The following CNIH3 variants were observed in gnomAD, a reference collection of about 807,000 sequenced individuals.
CNIH3 encodes the protein protein cornichon homolog 3.
Under a neutral mutation model 24.1 loss-of-function variants are expected in CNIH3, and 14 were observed. That is an observed-to-expected ratio of 0.58 (90% CI 0.38 to 0.91). The LOEUF (loss-of-function observed/expected upper bound fraction) is 0.91. Among genes scored for constraint, CNIH3 ranks in the 40% least tolerant of loss-of-function variants. The pLI is 0.00. For missense variants in CNIH3, 178 were observed against 196.8 expected, an observed-to-expected ratio of 0.90 and a Z score of 0.57; for synonymous variants, 68 against 73.8, an observed-to-expected ratio of 0.92 and a Z score of 0.40.
chr1:224,681,190 G>C (rs1686383597), intron 2 of CNIH3, among the ~76,000 whole-genome samples, 164 bp downstream of exon 2: 1 of 152,198 alleles, frequency 6.6e-6, no homozygotes, highest in Non-Finnish European at 1.5e-5. Flanking sequence ...TCTCATTCTT[G>C]AAGTGTGCTG....
At chr1:224,622,988 G>A (rs1558223397) in intron 1 of CNIH3, among the ~76,000 whole-genome samples, 1 of 152,130 alleles carries the variant, frequency 6.6e-6, no homozygotes, top group Non-Finnish European at 1.5e-5. Flanking sequence ...TCACTCCTAT[G>A]GGCCCCTCCA....
intron 1 of CNIH3, among the ~76,000 whole-genome samples, chr1:224,509,905 C>T (rs898853452): frequency 6.6e-6 from 1 of 152,222 alleles, no homozygotes; most frequent in African/African-American, 2.4e-5. Context: ...CAGCTGTCCA[C>T]CTAGAAAAAG....
At chr1:224,479,537 C>T (rs531223317) in intron 1 of CNIH3, among the ~76,000 whole-genome samples, 3 of 152,222 alleles carry the variant, frequency 2.0e-5, no homozygotes, top group Non-Finnish European at 4.4e-5. Context: ...AAGTCCCTTC[C>T]ACCTATGAGC....
intron 4 of CNIH3, among the ~76,000 whole-genome samples, chr1:224,734,347 C>T (rs954046377): frequency 6.6e-6 from 1 of 152,144 alleles, no homozygotes; most frequent in Non-Finnish European, 1.5e-5. Context: ...GTGAAATTGC[C>T]ATGATGCCAG....
At chr1:224,659,048 G>A (rs12073052) in intron 1 of CNIH3, among the ~76,000 whole-genome samples, 35,095 of 152,112 alleles carry the variant, frequency 0.23, 4,458 homozygotes, top group East Asian at 0.36. Flanking sequence ...TTTTTAGAAA[G>A]ACTGAACTAA....
intron 1 of CNIH3, among the ~76,000 whole-genome samples, chr1:224,621,603 T>A (rs1327916990): frequency 2.0e-5 from 3 of 152,060 alleles, no homozygotes; most frequent in African/African-American, 7.3e-5. Context: ...CCCTTTTATC[T>A]CCTCCCTCCG....
At chr1:224,469,023 C>T (rs936180498) in intron 1 of CNIH3, among the ~76,000 whole-genome samples, 1 of 151,234 alleles carries the variant, frequency 6.6e-6, no homozygotes, top group East Asian at 1.9e-4. Flanking sequence ...TGAATGGGAA[C>T]TGGATTTTGT....
chr1:224,684,715 G>C lies in CNIH3; in HGVS notation c.151-81G>C. 1 of 1,277,478 alleles carries C rather than the reference G, an allele frequency of 7.8e-7. No homozygotes were observed. The highest frequency in any genetic ancestry group is 1.2e-5 in the South Asian group (1 of 84,148). 79.1% of individuals were successfully genotyped at this position (1,277,478 alleles called of 1,614,324 possible). Reference sequence around the variant, plus strand: ...TGGTGGCTTCTGCCTCCACTATTGGGGCTGATTGCGGGGCCTTCTCATGCT... The same window carrying C: ...TGGTGGCTTCTGCCTCCACTATTGGCGCTGATTGCGGGGCCTTCTCATGCT... On this transcript the variant is annotated intron_variant, in intron 2 of 5. Transcript: ENST00000272133. This position sits in a 1 kb window ranked among gnomAD's most constrained non-coding sequence, Gnocchi z 4.2.
chr1:224,537,355 A>T (rs1040646004), downstream of CNIH3: 1 of 152,228 alleles, frequency 6.6e-6, no homozygotes, highest in Non-Finnish European at 1.5e-5. Flanking sequence ...CTGCAGATGC[A>T]CTGAGGCTAA....
chr1:224,621,605 C>T (rs1294455034), intron 1 of CNIH3, among the ~76,000 whole-genome samples: 1 of 152,154 alleles, frequency 6.6e-6, no homozygotes, highest in East Asian at 1.9e-4. Context: ...CTTTTATCTC[C>T]TCCCTCCGTC....
Position 224,484,361 on chromosome 1 carries a change from C to T in CNIH3, n.204-31380C>T, listed in dbSNP as rs185500663. Among the ~76,000 whole-genome samples, 516 of 149,228 alleles carry T rather than the reference C, an allele frequency of 3.5e-3. 3 individuals are homozygous for T. Among genetic ancestry groups the T allele is most frequent in the African/African-American group, 0.012 (495 of 40,392 alleles). On this transcript the variant is annotated intron_variant and non_coding_transcript_variant, in intron 1 of 5. Transcript: ENST00000471578. The stretch of plus-strand genomic sequence containing the variant: ...AGGAGAATGGCACGAACCTGGGAGG[C>T]GGAGCTTGCAGTGAGCCGAGATCAC...
intron 1 of CNIH3, among the ~76,000 whole-genome samples, chr1:224,461,623 A>T (rs1675916340): frequency 6.6e-6 from 1 of 152,254 alleles, no homozygotes; most frequent in Non-Finnish European, 1.5e-5. Context: ...TGATTTAAAC[A>T]GTTTTAAAAC....
intron 3 of CNIH3, among the ~76,000 whole-genome samples, chr1:224,551,531 T>C (rs572570765): frequency 6.6e-6 from 1 of 152,276 alleles, no homozygotes; most frequent in South Asian, 2.1e-4. Context: ...ATTTCATTAA[T>C]ATCACAGTGT....
At chr1:224,509,122 AG>A (rs1678035126) in intron 1 of CNIH3, among the ~76,000 whole-genome samples, 2 of 152,204 alleles carry the variant, frequency 1.3e-5, no homozygotes, top group Non-Finnish European at 1.5e-5. Flanking sequence ...CAGGAGTTCA[AG>A]ACCAGCCTGG....
At chr1:224,601,038 T>C (rs890645452) in intron 3 of CNIH3, among the ~76,000 whole-genome samples, 5 of 152,160 alleles carry the variant, frequency 3.3e-5, no homozygotes, top group African/African-American at 1.2e-4. Flanking sequence ...GAGTGAGAGA[T>C]GGAGGCAAGT....
intron 1 of CNIH3, among the ~76,000 whole-genome samples, chr1:224,449,389 C>G (rs1276999093): frequency 6.6e-6 from 1 of 152,176 alleles, no homozygotes; most frequent in African/African-American, 2.4e-5. Flanking sequence ...TCTCCATTGC[C>G]ACTAATAGTT....
chr1:224,663,345 C>G (rs1243642307), intron 1 of CNIH3, among the ~76,000 whole-genome samples: 1 of 152,174 alleles, frequency 6.6e-6, no homozygotes, highest in Non-Finnish European at 1.5e-5. Flanking sequence ...TGAACCTCGA[C>G]CTCCCACAGC....
chr1:224,617,279 C>A (rs777341337), intron 1 of CNIH3, 24 bp downstream of exon 1: 4 of 1,607,764 alleles, frequency 2.5e-6, no homozygotes, highest in Non-Finnish European at 3.4e-6. Flanking sequence ...TTTGGTCTCT[C>A]TTCTTTCGCC....
At chr1:224,505,004 C>G (rs996784519) in intron 1 of CNIH3, among the ~76,000 whole-genome samples, 2 of 56,780 alleles carry the variant, frequency 3.5e-5, no homozygotes, top group African/African-American at 1.4e-4. Flanking sequence ...TTCCCTCCCT[C>G]CCTCCCTCCC....
Sources: gnomAD v4.1 joint callset for allele counts (sites outside exome capture counted in the v4.1 genomes callset) on GRCh38, gnomAD v4.1.1 for gene constraint, Gnocchi (gnomAD v3.1) non-coding constraint, MANE v1.5 for transcripts, NCBI Gene and HGNC (gene_info 2026-07-23, HGNC 2026-07-21) for gene names.